DOC2B: variants seen among roughly 807,000 people sequenced by gnomAD.
DOC2B encodes double C2 domain beta.
Under a neutral mutation model 28.9 loss-of-function variants are expected in DOC2B, and 21 were observed. The ratio of observed to expected loss-of-function variants is 0.73; its 90% CI spans 0.52 to 1.05. The LOEUF (loss-of-function observed/expected upper bound fraction) is 1.05. Among genes scored for constraint, DOC2B ranks in the 50% least tolerant of loss-of-function variants. The pLI is 0.00. For synonymous variants in DOC2B, 194 were observed against 178.1 expected, an observed-to-expected ratio of 1.09 and a Z score of -0.71; for missense variants, 384 against 421.1, an observed-to-expected ratio of 0.91 and a Z score of 0.77.
chr17:154,875 G>A (rs1361641064), intron 6 of DOC2B, among the ~76,000 whole-genome samples: 3 of 151,930 alleles, frequency 2.0e-5, no homozygotes, highest in Admixed American at 6.6e-5. Context: ...GATTACAGGC[G>A]CCCGCCACCA....
intron 1 of DOC2B, among the ~76,000 whole-genome samples, chr17:176,919 C>G (rs1383572986): frequency 6.6e-6 from 1 of 152,156 alleles, no homozygotes; most frequent in Non-Finnish European, 1.5e-5. Flanking sequence ...GTTGGCTCCT[C>G]TAAGGCCGAG....
In DOC2B at chr17:156,309, T is replaced by C. The variant is rs965094321; in HGVS notation, c.834A>G (p.Ser278=). Residue 278 remains serine, a synonymous_variant, in exon 6 of 9, where the codon TCA becomes TCG. Transcript: ENST00000613549. ...TGCCTACCAGCAGGCCTTGCTTCTG[T>C]GAGCTGTACTTGAGGGAGATGAGGA... ...GRILISLKYS[S]QKQGLLVGIV... 6.4e-7 allele frequency: 1 copy of C among 1,551,426 alleles called. No individual in the cohort carries two copies. Among genetic ancestry groups the C allele is most frequent in the Non-Finnish European group, 8.7e-7 (1 of 1,146,786 alleles).
chr17:179,778 CG>C (rs1385953766), intron 1 of DOC2B, among the ~76,000 whole-genome samples: 2 of 88,120 alleles, frequency 2.3e-5, no homozygotes, highest in African/African-American at 3.4e-5. Flanking sequence ...CCAGCCCCCA[CG>C]CCCCAGGGCA....
At chr17:172,419 C>A in intron 2 of DOC2B, 118 bp downstream of exon 2, 1 of 787,208 alleles carries the variant, frequency 1.3e-6, no homozygotes, top group Non-Finnish European at 2.0e-6. Context: ...CCCCACACAG[C>A]GCAGACATCC....
In DOC2B at chr17:181,627, C is replaced by G; in HGVS notation, c.-148G>C. The G allele has an allele frequency of 4.8e-6, 1 of 207,150 alleles. No individual in the cohort carries two copies. 12.8% of individuals were successfully genotyped at this position (207,150 alleles called of 1,614,324 possible). On this transcript the variant is annotated 5_prime_UTR_variant, in exon 1 of 9. Transcript: ENST00000613549. The surrounding 1 kb of genome is among the most constrained non-coding windows in gnomAD (Gnocchi z 7.0). Reference sequence around the variant, plus strand: ...GGCCCTGACTTGGCCGCTGCCCGCTCCGCTGCGGACGGCGCGAGCGAGTGC... The same window carrying G: ...GGCCCTGACTTGGCCGCTGCCCGCTGCGCTGCGGACGGCGCGAGCGAGTGC...
At chr17:175,276 G>A (rs925924292) in intron 1 of DOC2B, among the ~76,000 whole-genome samples, 2 of 152,144 alleles carry the variant, frequency 1.3e-5, no homozygotes, top group African/African-American at 4.8e-5. Context: ...GAAGCCTGAG[G>A]CACGTTCTCC....
chr17:164,272 G>A (rs1194401335), intron 2 of DOC2B, 68 bp from the exon 3 acceptor site: 69 of 1,265,754 alleles, frequency 5.5e-5, no homozygotes, highest in Non-Finnish European at 7.4e-5. Context: ...GCCTGCAGAT[G>A]CCCTTGTCCC....
intron 5 of DOC2B, among the ~76,000 whole-genome samples, chr17:159,105 A>G (rs2040170371): frequency 1.3e-5 from 2 of 151,850 alleles, no homozygotes; most frequent in South Asian, 4.2e-4. Context: ...GGGGTGGGAC[A>G]TTGTACTTCG....
At chr17:170,323 C>A (rs936683069) in intron 2 of DOC2B, among the ~76,000 whole-genome samples, 13 of 152,280 alleles carry the variant, frequency 8.5e-5, no homozygotes, top group Admixed American at 8.5e-4. Flanking sequence ...CCTCTCAGTG[C>A]CCTACCAGGG....
At chr17:172,869 T>G (rs1307503031) in intron 1 of DOC2B, among the ~76,000 whole-genome samples, 3 of 152,186 alleles carry the variant, frequency 2.0e-5, no homozygotes, top group Non-Finnish European at 4.4e-5. Flanking sequence ...GTCACTCCAG[T>G]TCCCTGTCTG....
chr17:166,554 G>C (rs2040267601), intron 2 of DOC2B, among the ~76,000 whole-genome samples: 1 of 152,268 alleles, frequency 6.6e-6, no homozygotes, highest in African/African-American at 2.4e-5. Context: ...GTTGTGGGAA[G>C]GACCCAGCGG....
intron 2 of DOC2B, among the ~76,000 whole-genome samples, chr17:165,758 A>G (rs942430100): frequency 2.6e-5 from 4 of 152,160 alleles, no homozygotes; most frequent in Non-Finnish European, 5.9e-5. Context: ...TTCCAAACCC[A>G]ACTCCCTCAC....
In DOC2B at chr17:164,260, GGGCCT is replaced by G; in HGVS notation, c.454-61_454-57del. 5 of 1,371,004 alleles carry G rather than the reference GGGCCT, an allele frequency of 3.6e-6. No individual in the cohort carries two copies. In the South Asian group the frequency reaches 6.2e-5, roughly 17 times the overall value. The allele number at this position is 1,371,004 out of a possible 1,614,324, so 84.9% of individuals were successfully genotyped here. A position where few individuals can be genotyped will look rare whatever the true frequency, so the allele number is the denominator to read the frequency against. On this transcript the variant is annotated intron_variant, in intron 2 of 8. Coordinates refer to ENST00000613549, the MANE Select transcript of DOC2B (RefSeq NM_003585.5). ...GGAAATCGGGGACATGGAACTGACA[GGGCCT>G]GCAGATGCCCTTGTCCCCTGGGTCT...
At chr17:162,929 G>A (rs2040221903) in intron 3 of DOC2B, among the ~76,000 whole-genome samples, 1 of 152,164 alleles carries the variant, frequency 6.6e-6, no homozygotes, top group African/African-American at 2.4e-5. Context: ...CTCCTCCTGT[G>A]CCAGCGGCTC....
At chr17:161,978 A>G in intron 4 of DOC2B, 103 bp downstream of exon 4, 1 of 829,466 alleles carries the variant, frequency 1.2e-6, no homozygotes, top group Non-Finnish European at 2.0e-6. Flanking sequence ...ATGAGGTTGA[A>G]CCCACAGGGG....
chr17:154,883 C>T (rs2040115577), intron 6 of DOC2B, among the ~76,000 whole-genome samples: 1 of 152,138 alleles, frequency 6.6e-6, no homozygotes, highest in Non-Finnish European at 1.5e-5. Flanking sequence ...GCGCCCGCCA[C>T]CACACCCAGC....
intron 2 of DOC2B, among the ~76,000 whole-genome samples, chr17:165,756 C>A (rs1034796906): frequency 6.6e-6 from 1 of 152,226 alleles, no homozygotes; most frequent in Non-Finnish European, 1.5e-5. Flanking sequence ...TCTTCCAAAC[C>A]CAACTCCCTC....
chr17:159,507 C>G (rs931031520), intron 5 of DOC2B, among the ~76,000 whole-genome samples: 3 of 152,164 alleles, frequency 2.0e-5, no homozygotes, highest in Non-Finnish European at 4.4e-5. Flanking sequence ...GCCTGTAGTC[C>G]CAGCTACTCG....
chr17:173,856 G>C (rs566751394), intron 1 of DOC2B, among the ~76,000 whole-genome samples: 1 of 152,288 alleles, frequency 6.6e-6, no homozygotes, highest in South Asian at 2.1e-4. Context: ...TGTTCTTCAG[G>C]CTCTGAGCTA....
Sources: gnomAD v4.1 joint callset for allele counts (sites outside exome capture counted in the v4.1 genomes callset) on GRCh38, gnomAD v4.1.1 for gene constraint, Gnocchi (gnomAD v3.1) non-coding constraint, MANE v1.5 for transcripts, NCBI Gene and HGNC (gene_info 2026-07-23, HGNC 2026-07-21) for gene names.